Variants in AOC3 observed in about 807,000 individuals in gnomAD.
AOC3 encodes amine oxidase copper containing 3.
Under a neutral mutation model 55.4 loss-of-function variants are expected in AOC3, and 47 were observed. The ratio of observed to expected loss-of-function variants is 0.85; its 90% CI spans 0.67 to 1.08. AOC3 has a LOEUF of 1.08. AOC3 is among the 50% of genes least tolerant of loss of function. AOC3 has a pLI of 0.00. For missense variants in AOC3, 853 were observed against 993.1 expected (o/e 0.86, Z 1.90); for synonymous variants, 386 against 410.7 (o/e 0.94, Z 0.73).
At chr17:42,853,036 G>A (rs2055698493) in intron 1 of AOC3, 93 bp downstream of exon 1, 11 of 1,453,372 alleles carry the variant, frequency 7.6e-6, no homozygotes, top group Non-Finnish European at 8.3e-6. Context: ...TCCCAGAAAG[G>A]AAGACGTGGA....
rs2055753834 is a variant in AOC3, at chr17:42,856,632, A to G, written c.*82A>G. On this transcript the variant is annotated 3_prime_UTR_variant, in exon 4 of 4. Coordinates refer to ENST00000308423, the MANE Select transcript of AOC3 (RefSeq NM_003734.4). ...GGGAGCAGCTGGGCACTGGGCCGGC[A>G]GCCTGGTTCCCTCTTTCCTGTGCCA... The G allele has an allele frequency of 8.1e-6, 11 of 1,359,376 alleles. No individual in the cohort carries two copies. The highest frequency in any genetic ancestry group is 1.1e-5 in the Non-Finnish European group (11 of 992,486). The allele number at this position is 1,359,376 out of a possible 1,614,324, so 84.2% of individuals were successfully genotyped here. A position where few individuals can be genotyped will look rare whatever the true frequency, so the allele number is the denominator to read the frequency against.
At chr17:42,854,151 A>C in intron 1 of AOC3, 1 of 246,930 alleles carries the variant, frequency 4.0e-6, no homozygotes, top group Non-Finnish European at 7.7e-6. Context: ...GTGGAAAGCA[A>C]GAGGGTAAGG....
chr17:42,851,392 A>G lies in AOC3; in HGVS notation c.49A>G (p.Ile17Val), dbSNP rs148942103. ...LVLLILAVITIFALVCVLLVG... is the reference protein window; with the variant it reads ...LVLLILAVITVFALVCVLLVG... ...GCTCCTCATTCTGGCCGTCATCACC[A>G]TCTTTGCCTTGGTTTGTGTCCTGCT... Residue 17 changes from isoleucine to valine, a missense_variant, in exon 1 of 4, where the codon ATC becomes GTC. Transcript: ENST00000308423. 9.4e-5 allele frequency: 151 copies of G among 1,612,348 alleles called. 1 individual carries two copies. The South Asian group carries it at 1.5e-3, about 16-fold the overall frequency.
intron 3 of AOC3, 79 bp from the exon 4 acceptor site, chr17:42,856,196 G>A (rs2055745493): frequency 6.5e-7 from 1 of 1,542,118 alleles, no homozygotes. Flanking sequence ...ATGATCCTTG[G>A]GCTGGTGAGC....
Position 42,851,274 on chromosome 17 carries a change from C to A in AOC3, c.-70C>A. 6.6e-7 allele frequency: 1 copy of A among 1,508,130 alleles called. No homozygotes were observed. The highest frequency in any genetic ancestry group is 8.9e-7 in the Non-Finnish European group (1 of 1,118,102). The allele number at this position is 1,508,130 out of a possible 1,614,324, so 93.4% of individuals were successfully genotyped here. A position where few individuals can be genotyped will look rare whatever the true frequency, so the allele number is the denominator to read the frequency against. On this transcript the variant is annotated 5_prime_UTR_variant, in exon 1 of 4. Transcript: ENST00000308423. Reference sequence around the variant, plus strand: ...CCACCCCGTCCAGGAGCCAACAGAGCCCCCGTCTTGCTGGCGTGAGAATAC... The same window carrying A: ...CCACCCCGTCCAGGAGCCAACAGAGACCCCGTCTTGCTGGCGTGAGAATAC...
intron 3 of AOC3, among the ~76,000 whole-genome samples, chr17:42,855,904 A>G (rs1027985602): frequency 1.3e-5 from 2 of 152,134 alleles, no homozygotes; most frequent in Non-Finnish European, 2.9e-5. Context: ...TCCTGACTTG[A>G]TGAATTTCAC....
In AOC3 at chr17:42,856,684, C is replaced by A; in HGVS notation, c.*134C>A. 9.4e-7 allele frequency: 1 copy of A among 1,067,048 alleles called. No individual in the cohort carries two copies. The highest frequency in any genetic ancestry group is 2.5e-5 in the East Asian group (1 of 40,808). The allele number at this position is 1,067,048 out of a possible 1,614,324, so 66.1% of individuals were successfully genotyped here. ...GACTCTCTTTCTTCCACTACCCTCC[C>A]TCGCATCCGCCTCTGAGCCAGGAGC... is the stretch of plus-strand genomic sequence containing the variant. On this transcript the variant is annotated 3_prime_UTR_variant, in exon 4 of 4. Transcript: ENST00000308423.
rs377241913 is a variant in AOC3 at position 42,855,502 on chromosome 17, A to G, written c.1945A>G (p.Asn649Asp). The G allele has an allele frequency of 6.2e-7, 1 of 1,613,650 alleles. No individual in the cohort carries two copies. The highest frequency in any genetic ancestry group is 1.1e-5 in the South Asian group (1 of 90,882). The stretch of plus-strand genomic sequence containing the variant: ...GGAGCCCAGTAGCAGCAGCGTTTTC[A>G]ATCAGAATGACCCTTGGGCCCCCAC... ...EEEPSSSSVFNQNDPWAPTVD... is the reference protein window; with the variant it reads ...EEEPSSSSVFDQNDPWAPTVD... The change falls in exon 3 of 4, where the codon AAT becomes GAT. Residue 649 changes from asparagine to aspartate, a missense_variant. Coordinates refer to ENST00000308423, the MANE Select transcript of AOC3 (RefSeq NM_003734.4).
In AOC3 at chr17:42,851,264, G is replaced by T; in HGVS notation, c.-80G>T. 2 of 1,487,204 alleles carry T rather than the reference G, an allele frequency of 1.3e-6. No homozygotes were observed. The highest frequency in any genetic ancestry group is 2.6e-5 in the South Asian group (2 of 75,966). 92.1% of individuals were successfully genotyped at this position (1,487,204 alleles called of 1,614,324 possible). A position where few individuals can be genotyped will look rare whatever the true frequency, so the allele number is the denominator to read the frequency against. On this transcript the variant is annotated 5_prime_UTR_variant, in exon 1 of 4. Transcript: ENST00000308423. Reference sequence around the variant, plus strand: ...CGGGAGCCCCCCACCCCGTCCAGGAGCCAACAGAGCCCCCGTCTTGCTGGC... The same window carrying T: ...CGGGAGCCCCCCACCCCGTCCAGGATCCAACAGAGCCCCCGTCTTGCTGGC...
rs1567689227 is a variant in AOC3 at position 42,851,946 on chromosome 17, C to T, written c.603C>T (p.Tyr201=). 4 of 1,613,664 alleles carry T rather than the reference C, an allele frequency of 2.5e-6. No homozygotes were observed. The highest frequency in any genetic ancestry group is 1.1e-5 in the South Asian group (1 of 91,084). ...GGCTTCTCCACCACTGTTGCTTCTA[C>T]AAGCACCGGGGACGGAACCTGGTGA... The part of the protein sequence containing the change: ...ASGLLHHCCF[Y]KHRGRNLVTM... The change falls in exon 1 of 4, where the codon TAC becomes TAT. Residue 201 remains tyrosine (Y), a synonymous_variant. Transcript: ENST00000308423.
rs1240940106 is a variant in AOC3, at chr17:42,857,188, C to T, written c.*638C>T. 6.5e-6 allele frequency: 1 copy of T among 152,758 alleles called. No individual in the cohort carries two copies. Among genetic ancestry groups the T allele is most frequent in the Non-Finnish European group, 1.5e-5 (1 of 68,444 alleles). 9.5% of individuals were successfully genotyped at this position (152,758 alleles called of 1,614,324 possible). ...TCCAGCCCTATGGAAGTCTCAAGGT[C>T]ACGGGACCCCTAATCAGAGTGGCCA... On this transcript the variant is annotated 3_prime_UTR_variant, in exon 4 of 4. Transcript: ENST00000308423.
Position 42,854,447 on chromosome 17 carries a change from G to A in AOC3, c.1601-1G>A. ...GCCCTCCCCTATCCCACCCTGAGCA[G>A]GACTGGAGAACTGGGTCTGGGCCGA... On this transcript the variant is annotated splice_acceptor_variant, in intron 1 of 3. Coordinates refer to ENST00000308423, the MANE Select transcript of AOC3 (RefSeq NM_003734.4). LOFTEE classifies it high-confidence loss of function. 6.6e-7 allele frequency: 1 copy of A among 1,521,496 alleles called. No individual in the cohort carries two copies. The highest frequency in any genetic ancestry group is 1.4e-5 in the African/African-American group (1 of 71,892). 94.2% of individuals were successfully genotyped at this position (1,521,496 alleles called of 1,614,324 possible). A position where few individuals can be genotyped will look rare whatever the true frequency, so the allele number is the denominator to read the frequency against.
rs143972698 is a variant in AOC3, at chr17:42,851,499, A to G, written c.156A>G (p.Thr52=). The change falls in exon 1 of 4, where the codon ACA becomes ACG. Residue 52 remains threonine (T), a synonymous_variant. Coordinates refer to ENST00000308423, the MANE Select transcript of AOC3 (RefSeq NM_003734.4). ...TATCTCCCAGTGCCCAGCCTTGGAC[A>G]CACCCTGGCCAGAGCCAGCTGTTTG... ...PSVSPSAQPW[T]HPGQSQLFAD... 10 of 1,614,168 alleles carry G rather than the reference A, an allele frequency of 6.2e-6. No homozygotes were observed. Among genetic ancestry groups the G allele is most frequent in the Non-Finnish European group, 8.5e-6 (10 of 1,180,010 alleles).
rs1433154314 is a variant in AOC3, at chr17:42,852,009, C to A, written c.666C>A (p.Asp222Glu). The change falls in exon 1 of 4, where the codon GAC (aspartate) becomes GAA (glutamate). Residue 222 changes from aspartate (D) to glutamate (E), a missense_variant. Coordinates refer to ENST00000308423, the MANE Select transcript of AOC3 (RefSeq NM_003734.4). ...TTAPRGLQSGDRATWFGLYYN... is the reference protein window; with the variant it reads ...TTAPRGLQSGERATWFGLYYN... Reference sequence around the variant, plus strand: ...CTCCCCGTGGTCTGCAATCAGGGGACCGGGCCACCTGGTTTGGCCTCTACT... The same window carrying A: ...CTCCCCGTGGTCTGCAATCAGGGGAACGGGCCACCTGGTTTGGCCTCTACT... The A allele has an allele frequency of 5.6e-6, 9 of 1,613,738 alleles. No individual in the cohort carries two copies. Among genetic ancestry groups the A allele is most frequent in the Non-Finnish European group, 7.6e-6 (9 of 1,179,872 alleles).
At chr17:42,853,327 G>T in intron 1 of AOC3, 17 of 1,027,064 alleles carry the variant, frequency 1.7e-5, no homozygotes, top group South Asian at 4.1e-5. Flanking sequence ...TGTTTTGGAG[G>T]ATCTCTTTGC....
chr17:42,852,506 G>A lies in AOC3; in HGVS notation c.1163G>A (p.Gly388Asp). The A allele has an allele frequency of 6.2e-7, 1 of 1,614,246 alleles. No individual in the cohort carries two copies. The highest frequency in any genetic ancestry group is 8.5e-7 in the Non-Finnish European group (1 of 1,180,048). The change falls in exon 1 of 4, where the codon GGC (glycine) becomes GAC (aspartate). Residue 388 changes from glycine (G) to aspartate (D), a missense_variant. Gly to Asp is a moderately conservative substitution (Grantham distance 94, BLOSUM62 -1). Transcript: ENST00000308423. ...AAMTTRYVDG[G>D]FGMGKYTTPL... ...ATGACGACCCGCTATGTGGATGGAG[G>A]CTTTGGCATGGGCAAGTACACCACG...
At position 42,851,254 on chromosome 17, in the gene AOC3, C is replaced by T. The variant is rs2055659034; in HGVS notation, c.-90C>T. The T allele has an allele frequency of 7.0e-7, 1 of 1,431,096 alleles. No homozygotes were observed. 88.6% of individuals were successfully genotyped at this position (1,431,096 alleles called of 1,614,324 possible). On this transcript the variant is annotated 5_prime_UTR_variant, in exon 1 of 4. Coordinates refer to ENST00000308423, the MANE Select transcript of AOC3 (RefSeq NM_003734.4). ...AGCCAGAGTCCGGGAGCCCCCCACC[C>T]CGTCCAGGAGCCAACAGAGCCCCCG...
intron 2 of AOC3, 122 bp from the exon 3 acceptor site, chr17:42,855,322 G>T: frequency 7.4e-7 from 1 of 1,343,492 alleles, no homozygotes; most frequent in South Asian, 1.4e-5. Flanking sequence ...ATTCTGTAGC[G>T]CCGAGTCAGT....
In AOC3 at chr17:42,851,849, G is replaced by A. The variant is rs768593243; in HGVS notation, c.506G>A (p.Arg169His). 9.9e-6 allele frequency: 16 copies of A among 1,613,614 alleles called. No homozygotes were observed. Among genetic ancestry groups the A allele is most frequent in the Non-Finnish European group, 1.3e-5 (15 of 1,180,044 alleles). Residue 169 changes from arginine (R) to histidine (H), a missense_variant, in exon 1 of 4, where the codon CGC becomes CAC. By Grantham distance (29) the Arg-to-His change is conservative. Coordinates refer to ENST00000308423, the MANE Select transcript of AOC3 (RefSeq NM_003734.4). ...RHGGPLPYHR[R>H]PVLFQEYLDI... ...GGAGGCCCCCTGCCCTATCACCGAC[G>A]CCCCGTGCTGTTCCAAGAGTACCTG...
Sources: allele counts gnomAD v4.1 joint callset (sites outside exome capture counted in the v4.1 genomes callset), GRCh38; gene constraint gnomAD v4.1.1; transcripts MANE v1.5; gene names NCBI Gene and HGNC (gene_info 2026-07-23, HGNC 2026-07-21).